TOX: variants seen among roughly 807,000 people sequenced by gnomAD.
TOX encodes thymocyte selection-associated high mobility group box protein TOX.
Under a neutral mutation model 53.7 loss-of-function variants are expected in TOX, and 11 were observed. The ratio of observed to expected loss-of-function variants is 0.20; its 90% confidence interval spans 0.13 to 0.34. The LOEUF (loss-of-function observed/expected upper bound fraction) is 0.34, where lower values mean the gene tolerates loss of function less well. Ranked by LOEUF, TOX falls within the 10% of genes least tolerant of loss-of-function variation. TOX has a pLI of 1.00. For synonymous variants in TOX, 225 were observed against 245.3 expected, an observed-to-expected ratio of 0.92 and a Z score of 0.77; for missense variants, 570 against 664.6, an observed-to-expected ratio of 0.86 and a Z score of 1.56.
intron 3 of TOX, among the ~76,000 whole-genome samples, chr8:58,870,671 C>T (rs935038073): frequency 6.6e-6 from 1 of 152,028 alleles, no homozygotes; most frequent in African/African-American, 2.4e-5. Context: ...ATGGTATTGG[C>T]AAATGAATAG....
intron 1 of TOX, among the ~76,000 whole-genome samples, chr8:59,108,196 A>C (rs1005828327): frequency 2.0e-5 from 3 of 152,218 alleles, no homozygotes; most frequent in Non-Finnish European, 2.9e-5. Flanking sequence ...TGAAACTAAC[A>C]ATACAGTATA....
intron 4 of TOX, among the ~76,000 whole-genome samples, chr8:58,849,070 T>A (rs542918596): frequency 6.6e-6 from 1 of 152,254 alleles, no homozygotes; most frequent in South Asian, 2.1e-4. Context: ...TCCAGTTTAA[T>A]CCTTAACTGT....
At chr8:58,957,057 T>A (rs1812721589) in intron 2 of TOX, among the ~76,000 whole-genome samples, 1 of 152,214 alleles carries the variant, frequency 6.6e-6, no homozygotes, top group Non-Finnish European at 1.5e-5. Flanking sequence ...GGCAAAGAAG[T>A]GGGTTTCTGA....
At chr8:58,883,834 G>T (rs773995001) in intron 3 of TOX, among the ~76,000 whole-genome samples, 1 of 151,928 alleles carries the variant, frequency 6.6e-6, no homozygotes, top group Non-Finnish European at 1.5e-5. Flanking sequence ...AAAATAATTG[G>T]TATCTTTCCA....
intron 3 of TOX, among the ~76,000 whole-genome samples, chr8:58,904,499 A>G (rs1006989136): frequency 1.3e-5 from 2 of 152,118 alleles, no homozygotes; most frequent in Non-Finnish European, 2.9e-5. Flanking sequence ...CCTGTGGTTG[A>G]GCTCTGGGAA....
At chr8:59,029,147 T>A (rs929921107) in intron 1 of TOX, among the ~76,000 whole-genome samples, 49 of 152,132 alleles carry the variant, frequency 3.2e-4, no homozygotes, top group African/African-American at 1.2e-3. Flanking sequence ...AGGGCAAAAA[T>A]GACTTCAGTC....
At chr8:58,930,967 A>C (rs1029014722) in intron 3 of TOX, among the ~76,000 whole-genome samples, 2 of 152,194 alleles carry the variant, frequency 1.3e-5, no homozygotes, top group African/African-American at 4.8e-5. Context: ...AACTACAATA[A>C]ATTTTTTTAT....
intron 1 of TOX, among the ~76,000 whole-genome samples, chr8:59,040,247 G>T (rs1020771243): frequency 2.0e-5 from 3 of 147,070 alleles, no homozygotes; most frequent in East Asian, 3.9e-4. Context: ...GAGAATGGCG[G>T]GAACCCGGGA....
At chr8:58,840,533 C>A (rs956409640) in intron 4 of TOX, among the ~76,000 whole-genome samples, 1 of 152,122 alleles carries the variant, frequency 6.6e-6, no homozygotes, top group Middle Eastern at 3.2e-3. Flanking sequence ...CTTTTAATAC[C>A]CTGATGTCCA....
Position 58,977,960 on chromosome 8 carries a change from G to T in TOX, c.103-17952C>A, listed in dbSNP as rs1270908784. Among the ~76,000 whole-genome samples, 11 of 152,326 alleles carry T rather than the reference G, an allele frequency of 7.2e-5. No homozygotes were observed. In the South Asian group the frequency reaches 1.7e-3, roughly 23 times the overall value. ...GAGACCAGAGTGAGCACATGGTGTT[G>T]TTAGAAAATGGCGCTAAAAGACTCT... On this transcript the variant is annotated intron_variant, in intron 1 of 8. Coordinates refer to ENST00000361421, the MANE Select transcript of TOX (RefSeq NM_014729.3).
At chr8:58,935,380 T>C (rs916863692) in intron 3 of TOX, among the ~76,000 whole-genome samples, 2 of 152,156 alleles carry the variant, frequency 1.3e-5, no homozygotes, top group Non-Finnish European at 2.9e-5. Flanking sequence ...ATCACAGTAC[T>C]AACAGCAAAA....
chr8:58,899,174 T>C (rs1211330665), intron 3 of TOX, among the ~76,000 whole-genome samples: 3 of 152,222 alleles, frequency 2.0e-5, no homozygotes, highest in African/African-American at 7.2e-5. Flanking sequence ...ATCTGTAAGG[T>C]ACAGGCTAAC....
At chr8:58,871,396 T>C (rs981834616) in intron 3 of TOX, among the ~76,000 whole-genome samples, 1 of 152,062 alleles carries the variant, frequency 6.6e-6, no homozygotes, top group Non-Finnish European at 1.5e-5. Context: ...AACCATAATA[T>C]ATACAAATTT....
At chr8:58,969,244 TA>T (rs1346928154) in intron 1 of TOX, among the ~76,000 whole-genome samples, 6 of 152,222 alleles carry the variant, frequency 3.9e-5, no homozygotes, top group African/African-American at 1.4e-4. Flanking sequence ...ATTTGACATT[TA>T]TTTTTTCAGA....
intron 4 of TOX, among the ~76,000 whole-genome samples, chr8:58,842,351 CTT>C (rs780375574): frequency 5.3e-5 from 8 of 152,194 alleles, no homozygotes; most frequent in Non-Finnish European, 8.8e-5. Context: ...CTCTCTCTCT[CTT>C]TCTCTGTCAT....
chr8:59,115,211 C>A (rs1381463979), intron 1 of TOX, among the ~76,000 whole-genome samples: 4 of 151,894 alleles, frequency 2.6e-5, no homozygotes, highest in African/African-American at 7.3e-5. Context: ...CCACTGCAGG[C>A]CGAGGTCACC....
At chr8:59,087,691 T>C (rs74914249) in intron 1 of TOX, among the ~76,000 whole-genome samples, 270 of 152,352 alleles carry the variant, frequency 1.8e-3, no homozygotes, top group African/African-American at 6.3e-3. Context: ...AATTAAAATG[T>C]TCGAGATGTT....
intron 3 of TOX, among the ~76,000 whole-genome samples, chr8:58,927,058 T>C (rs989821472): frequency 3.9e-5 from 6 of 152,066 alleles, no homozygotes; most frequent in Non-Finnish European, 8.8e-5. Flanking sequence ...TTTTTTTTTT[T>C]TTTCTTTTAT....
chr8:58,913,469 G>C (rs916224002), intron 3 of TOX, among the ~76,000 whole-genome samples: 1 of 152,094 alleles, frequency 6.6e-6, no homozygotes, highest in South Asian at 2.1e-4. Flanking sequence ...GACAGTGTTC[G>C]TACAGCACTT....
Sources: allele counts gnomAD v4.1 joint callset (sites outside exome capture counted in the v4.1 genomes callset), GRCh38; gene constraint gnomAD v4.1.1; transcripts MANE v1.5; gene names NCBI Gene and HGNC (gene_info 2026-07-23, HGNC 2026-07-21).